SOX6: variants seen among roughly 807,000 people sequenced by gnomAD.
The protein encoded by SOX6 is transcription factor SOX-6.
A neutral mutation model predicts 97.8 loss-of-function variants in SOX6; 11 were observed. That is an observed-to-expected ratio of 0.11 (90% confidence interval 0.07 to 0.19). The LOEUF (loss-of-function observed/expected upper bound fraction) is 0.19, where lower values mean the gene tolerates loss of function less well. Among genes scored for constraint, SOX6 ranks in the 10% least tolerant of loss-of-function variants. SOX6 has a pLI of 1.00. For missense variants in SOX6, 810 were observed against 1,039.5 expected, an observed-to-expected ratio of 0.78 and a Z score of 3.04; for synonymous variants, 360 against 371.4, an observed-to-expected ratio of 0.97 and a Z score of 0.35.
intron 14 of SOX6, among the ~76,000 whole-genome samples, chr11:15,987,335 T>C (rs1441440887): frequency 6.6e-6 from 1 of 152,216 alleles, no homozygotes; most frequent in Non-Finnish European, 1.5e-5. Flanking sequence ...TAATAGCACA[T>C]GCATCCCTGC....
chr11:16,378,923 T>C (rs916595171), intron 1 of SOX6, among the ~76,000 whole-genome samples: 2 of 152,132 alleles, frequency 1.3e-5, no homozygotes, highest in Non-Finnish European at 2.9e-5. Flanking sequence ...TACTTTGTGA[T>C]AGGCTATTCT....
chr11:16,721,936 G>T (rs1848270219), intron 2 of SOX6, among the ~76,000 whole-genome samples: 1 of 151,798 alleles, frequency 6.6e-6, no homozygotes, highest in African/African-American at 2.4e-5. Flanking sequence ...CAAGCAATGG[G>T]GAAAAGACTC....
At chr11:16,565,570 A>C (rs1589987665) in intron 4 of SOX6, among the ~76,000 whole-genome samples, 1 of 152,270 alleles carries the variant, frequency 6.6e-6, no homozygotes, top group East Asian at 1.9e-4. Flanking sequence ...ATCCACAGTA[A>C]CCCCATAACA....
intron 4 of SOX6, among the ~76,000 whole-genome samples, chr11:16,565,255 A>G (rs1847857268): frequency 6.6e-6 from 1 of 152,176 alleles, no homozygotes. Flanking sequence ...TTCACTCAAT[A>G]TGAAATGACA....
At chr11:16,481,683 C>A (rs967971954) in intron 4 of SOX6, among the ~76,000 whole-genome samples, 7 of 151,972 alleles carry the variant, frequency 4.6e-5, no homozygotes, top group African/African-American at 1.7e-4. Context: ...AACCATGTTA[C>A]AATAGCATGG....
intron 9 of SOX6, among the ~76,000 whole-genome samples, chr11:16,071,996 C>T (rs948798841): frequency 3.3e-5 from 5 of 152,028 alleles, no homozygotes; most frequent in South Asian, 2.1e-4. Context: ...AAAGAACCAG[C>T]GCAAGAACTC....
intron 1 of SOX6, among the ~76,000 whole-genome samples, chr11:16,379,451 AG>A (rs1857742752): frequency 6.6e-6 from 1 of 152,124 alleles, no homozygotes; most frequent in Non-Finnish European, 1.5e-5. Context: ...GAGCAACAAG[AG>A]CAAAACTCCA....
intron 2 of SOX6, among the ~76,000 whole-genome samples, chr11:16,716,267 G>C (rs1442955127): frequency 6.6e-6 from 1 of 152,124 alleles, no homozygotes; most frequent in Non-Finnish European, 1.5e-5. Flanking sequence ...TTAGTAATCA[G>C]GTGTGGTGGT....
chr11:16,440,315 T>A (rs1405796908), intron 1 of SOX6, among the ~76,000 whole-genome samples: 2 of 152,180 alleles, frequency 1.3e-5, no homozygotes, highest in African/African-American at 4.8e-5. Context: ...TTCAAAAGGA[T>A]ACACAGAAAT....
chr11:16,535,584 A>G (rs1040650698), intron 4 of SOX6, among the ~76,000 whole-genome samples: 3 of 152,116 alleles, frequency 2.0e-5, no homozygotes, highest in African/African-American at 7.2e-5. Flanking sequence ...AGGTGAGAGG[A>G]TCCCTTGACC....
At chr11:16,179,807 G>T (rs1453315010) in intron 6 of SOX6, among the ~76,000 whole-genome samples, 1 of 151,888 alleles carries the variant, frequency 6.6e-6, no homozygotes, top group Non-Finnish European at 1.5e-5. Flanking sequence ...TGTTTAGTTA[G>T]TTATGTGAGG....
chr11:16,333,749 T>C (rs1856379563), intron 2 of SOX6, among the ~76,000 whole-genome samples: 1 of 152,188 alleles, frequency 6.6e-6, no homozygotes, highest in Non-Finnish European at 1.5e-5. Flanking sequence ...AGTCTTACTT[T>C]AAATAATTAT....
chr11:16,044,418 G>A (rs1285435790), intron 12 of SOX6, among the ~76,000 whole-genome samples: 2 of 152,094 alleles, frequency 1.3e-5, no homozygotes, highest in African/African-American at 2.4e-5. Context: ...GAGTTAAACT[G>A]AATTTGTCAT....
At chr11:16,334,276 G>A (rs1382005093) in intron 2 of SOX6, among the ~76,000 whole-genome samples, 2 of 152,064 alleles carry the variant, frequency 1.3e-5, no homozygotes, top group Non-Finnish European at 2.9e-5. Context: ...CACAGATGTA[G>A]CAAAGTACTG....
At chr11:16,083,255 T>C (rs985296009) in intron 9 of SOX6, among the ~76,000 whole-genome samples, 1 of 152,156 alleles carries the variant, frequency 6.6e-6, no homozygotes, top group African/African-American at 2.4e-5. Flanking sequence ...TTGATCTTAG[T>C]GTGCCCAAAA....
chr11:16,143,734 A>T, intron 6 of SOX6, among the ~76,000 whole-genome samples: 1 of 152,206 alleles, frequency 6.6e-6, no homozygotes, highest in Admixed American at 6.5e-5. Flanking sequence ...TTAAACCAAC[A>T]AAGATCAAAA....
chr11:16,425,662 T>C (rs1859113230), intron 1 of SOX6, among the ~76,000 whole-genome samples: 1 of 152,158 alleles, frequency 6.6e-6, no homozygotes, highest in Admixed American at 6.5e-5. Flanking sequence ...CTAGCATTCT[T>C]ATACACCAAC....
intron 3 of SOX6, among the ~76,000 whole-genome samples, chr11:16,665,755 T>A (rs1168952833): frequency 2.0e-5 from 3 of 152,166 alleles, no homozygotes; most frequent in African/African-American, 7.2e-5. Context: ...CTGTGCTAGC[T>A]TTAGGTTTGA....
chr11:16,510,719 T>C (rs758169305), intron 4 of SOX6, among the ~76,000 whole-genome samples: 1 of 152,106 alleles, frequency 6.6e-6, no homozygotes, highest in Admixed American at 6.6e-5. Context: ...GAAAGGTAGG[T>C]TATGCTGAGC....
Sources: gnomAD v4.1 joint callset for allele counts (sites outside exome capture counted in the v4.1 genomes callset) on GRCh38, gnomAD v4.1.1 for gene constraint, MANE v1.5 for transcripts, NCBI Gene and HGNC (gene_info 2026-07-23, HGNC 2026-07-21) for gene names.